GCA: variants seen among roughly 807,000 people sequenced by gnomAD.
GCA encodes grancalcin.
In GCA, 30 loss-of-function variants were observed where a neutral mutation model predicts 32.6. That is an observed-to-expected ratio of 0.92 (90% CI 0.69 to 1.25). The LOEUF (loss-of-function observed/expected upper bound fraction) is 1.25, where lower values mean the gene tolerates loss of function less well. GCA is among the 50% of genes most tolerant of loss of function. The pLI is 0.00. For synonymous variants in GCA, 102 were observed against 84.6 expected (o/e 1.21, Z -1.13); for missense variants, 291 against 266.8 (o/e 1.09, Z -0.63).
downstream of GCA, chr2:162,371,806 G>T (rs1685956358): frequency 8.8e-6 from 14 of 1,591,678 alleles, no homozygotes; most frequent in Non-Finnish European, 1.1e-5. Context: ...TACATTGTAT[G>T]TGGAGTAAAT....
chr2:162,325,342 C>G (rs1277463056), intron 1 of GCA, among the ~76,000 whole-genome samples: 3 of 152,060 alleles, frequency 2.0e-5, no homozygotes, highest in Admixed American at 6.5e-5. Context: ...TATAAAAGAC[C>G]AAGGTGTCCA....
chr2:162,334,537 G>T (rs1297209995), intron 1 of GCA, among the ~76,000 whole-genome samples: 2 of 152,118 alleles, frequency 1.3e-5, no homozygotes, highest in Non-Finnish European at 2.9e-5. Flanking sequence ...ATGTATTGAG[G>T]ATATTTATAG....
In GCA at chr2:162,325,881, C is replaced by T. The variant is rs76837154; in HGVS notation, c.-31+6656C>T. ...ACTTGCCAAGGTCCCCCTTCATTTG[C>T]GTTAAGTCCTGTAGGGAGACGGGGA... is the stretch of plus-strand genomic sequence containing the variant. On this transcript the variant is annotated intron_variant, in intron 1 of 4. Coordinates refer to the GCA transcript ENST00000429691. Among the ~76,000 whole-genome samples the T allele has an allele frequency of 4.3e-3, 657 of 151,856 alleles. 25 individuals carry two copies. The East Asian group carries it at 0.11, about 24-fold the overall frequency.
At position 162,361,724 on chromosome 2, in the gene GCA, G is replaced by C; in HGVS notation, c.*1481G>C. On this transcript the variant is annotated 3_prime_UTR_variant, in exon 8 of 8. Coordinates refer to ENST00000437150, the MANE Select transcript of GCA (RefSeq NM_012198.5). ...GGTAATACACATAATTTTGTTCTCT[G>C]GCTTTTTTATGAACATATATTTGAT... 1 of 982,870 alleles carries C rather than the reference G, an allele frequency of 1.0e-6. No individual in the cohort carries two copies. The highest frequency in any genetic ancestry group is 1.2e-6 in the Non-Finnish European group (1 of 827,858). 60.9% of individuals were successfully genotyped at this position (982,870 alleles called of 1,614,324 possible).
chr2:162,324,945 C>T (rs1484605630), intron 1 of GCA, among the ~76,000 whole-genome samples: 3 of 151,786 alleles, frequency 2.0e-5, no homozygotes, highest in South Asian at 2.1e-4. Context: ...AGCCATCGTC[C>T]GAGGCTCCGA....
At chr2:162,340,633 T>G (rs772269899), upstream of GCA, among the ~76,000 whole-genome samples, 4 of 152,164 alleles carry the variant, frequency 2.6e-5, no homozygotes, top group Non-Finnish European at 5.9e-5. Context: ...AACCAGAGTA[T>G]AAAAGCAAGT....
At position 162,359,079 on chromosome 2, in the gene GCA, G is replaced by C. The variant is rs767630618; in HGVS notation, c.490G>C (p.Val164Leu). 3.9e-5 allele frequency: 63 copies of C among 1,600,614 alleles called. No individual in the cohort carries two copies. The South Asian group carries it at 6.3e-4, about 16-fold the overall frequency. Residue 164 changes from valine (V) to leucine (L), a missense_variant, in exon 6 of 8, where the codon GTT becomes CTT. Transcript: ENST00000437150. ...GAGTCCTCAAACATTAACTACTATT[G>C]TTAAACGTTATAGCAAGAATGGCAG... ...RLSPQTLTTI[V>L]KRYSKNGRIF...
At chr2:162,323,146 C>G (rs1157210120) in intron 1 of GCA, among the ~76,000 whole-genome samples, 1 of 151,848 alleles carries the variant, frequency 6.6e-6, no homozygotes, top group African/African-American at 2.4e-5. Flanking sequence ...ATTTGCATTT[C>G]TCTGATGGCC....
Position 162,362,665 on chromosome 2 carries a change from C to CATAT in GCA, c.*2431_*2434dup. Reference sequence around the variant, plus strand: ...GTTTTGTATCATACAAAATCTGTTACATATATATATATTATGAGATGCTTC... The same window carrying CATAT: ...GTTTTGTATCATACAAAATCTGTTACATATATATATATATATTATGAGATGCTTC... On this transcript the variant is annotated 3_prime_UTR_variant, in exon 8 of 8. Coordinates refer to ENST00000437150, the MANE Select transcript of GCA (RefSeq NM_012198.5). The CATAT allele has an allele frequency of 3.3e-6, 2 of 597,116 alleles. No homozygotes were observed. Among genetic ancestry groups the CATAT allele is most frequent in the Non-Finnish European group, 4.2e-6 (2 of 475,802 alleles). The allele number at this position is 597,116 out of a possible 1,614,324, so 37.0% of individuals were successfully genotyped here.
intron 1 of GCA, among the ~76,000 whole-genome samples, chr2:162,333,376 ATAAT>A (rs1412735418): frequency 6.6e-6 from 1 of 152,138 alleles, no homozygotes; most frequent in Non-Finnish European, 1.5e-5. Context: ...TATTCCTTAA[ATAAT>A]TAACTTTTTT....
At chr2:162,332,773 TAC>T (rs978992078) in intron 1 of GCA, among the ~76,000 whole-genome samples, 2 of 152,124 alleles carry the variant, frequency 1.3e-5, no homozygotes, top group East Asian at 3.8e-4. Context: ...ACAAAAATAA[TAC>T]ACAGTCACAT....
rs1558907365 is a variant in GCA at position 162,363,068 on chromosome 2, G to A, written c.*2825G>A. On this transcript the variant is annotated 3_prime_UTR_variant, in exon 8 of 8. Transcript: ENST00000437150. ...AAAATATAAGACATTAAGTTTGCCT[G>A]TAATCTTATGGCATTACTAAACTGG... is the stretch of plus-strand genomic sequence containing the variant. Among the ~76,000 whole-genome samples, 2 of 151,402 alleles carry A rather than the reference G, an allele frequency of 1.3e-5. No homozygotes were observed. Among genetic ancestry groups the A allele is most frequent in the South Asian group, 4.1e-4 (2 of 4,830 alleles).
At chr2:162,373,729 A>G, downstream of GCA, 1 of 1,138,032 alleles carries the variant, frequency 8.8e-7, no homozygotes, top group South Asian at 2.6e-5. Context: ...GCATTTAAAA[A>G]AATTTCAGCA....
intron 2 of GCA, among the ~76,000 whole-genome samples, chr2:162,348,346 C>T (rs1684816543): frequency 6.6e-6 from 1 of 152,070 alleles, no homozygotes; most frequent in African/African-American, 2.4e-5. Flanking sequence ...CAGTTAAAAC[C>T]TAAGTATGTC....
chr2:162,322,316 T>C (rs931687021), intron 1 of GCA, among the ~76,000 whole-genome samples: 3 of 151,724 alleles, frequency 2.0e-5, no homozygotes, highest in Non-Finnish European at 4.4e-5. Flanking sequence ...CAAAAACAGT[T>C]ACCTGCAAAT....
chr2:162,373,986 C>T (rs1421513621), downstream of GCA, among the ~76,000 whole-genome samples: 1 of 152,022 alleles, frequency 6.6e-6, no homozygotes, highest in Non-Finnish European at 1.5e-5. Flanking sequence ...CAGTAATTGT[C>T]TTTGCTTTTT....
At chr2:162,343,057 G>A (rs1338153569), upstream of GCA, among the ~76,000 whole-genome samples, 2 of 152,198 alleles carry the variant, frequency 1.3e-5, no homozygotes, top group Non-Finnish European at 2.9e-5. Context: ...GTTTCACAAG[G>A]TCCAACATCC....
chr2:162,358,311 A>T (rs1416792420), intron 5 of GCA, among the ~76,000 whole-genome samples: 1 of 151,542 alleles, frequency 6.6e-6, no homozygotes, highest in Non-Finnish European at 1.5e-5. Context: ...TTTAGATTTT[A>T]TGTATTTTTT....
In GCA at chr2:162,347,670, G is replaced by C; in HGVS notation, c.120G>C (p.Gly40=). ...CTATACTCCTCGATGGATACTCTGGGCCAGCATATTCAGACACTTATTCCT... is the reference window on the plus strand; with the variant it reads ...CTATACTCCTCGATGGATACTCTGGCCCAGCATATTCAGACACTTATTCCT... ...GPAILLDGYS[G]PAYSDTYSSA... Residue 40 remains glycine (G), a synonymous_variant, in exon 2 of 8, where the codon GGG becomes GGC. Transcript: ENST00000437150. The C allele has an allele frequency of 1.2e-6, 2 of 1,610,648 alleles. No individual in the cohort carries two copies. Among genetic ancestry groups the C allele is most frequent in the South Asian group, 1.1e-5 (1 of 90,660 alleles).
Sources: allele counts gnomAD v4.1 joint callset (sites outside exome capture counted in the v4.1 genomes callset), GRCh38; gene constraint gnomAD v4.1.1; transcripts MANE v1.5; gene names NCBI Gene and HGNC (gene_info 2026-07-23, HGNC 2026-07-21).